The following ZNF217 variants were observed in gnomAD, a reference collection of about 807,000 sequenced individuals.
ZNF217 encodes the protein zinc finger protein 217.
A neutral mutation model predicts 73.3 loss-of-function variants in ZNF217; 12 were observed. The ratio of observed to expected loss-of-function variants is 0.16; its 90% confidence interval spans 0.10 to 0.27. ZNF217 has a LOEUF of 0.27. Among genes scored for constraint, ZNF217 ranks in the 10% least tolerant of loss-of-function variants. The pLI, the probability that ZNF217 is intolerant of heterozygous loss-of-function variation, is 1.00. For synonymous variants in ZNF217, 588 were observed against 516.4 expected, an observed-to-expected ratio of 1.14 and a Z score of -1.88; for missense variants, 1,195 against 1,327.8, an observed-to-expected ratio of 0.90 and a Z score of 1.55.
chr20:53,570,767 T>C (rs1987961208), intron 5 of ZNF217, among the ~76,000 whole-genome samples: 1 of 149,404 alleles, frequency 6.7e-6, no homozygotes, highest in Non-Finnish European at 1.5e-5. Flanking sequence ...GGCAGATAAG[T>C]ACTTGCCAAG....
At chr20:53,580,746 G>A (rs988594716) in intron 2 of ZNF217, among the ~76,000 whole-genome samples, 1 of 152,122 alleles carries the variant, frequency 6.6e-6, no homozygotes, top group Admixed American at 6.5e-5. Context: ...GGGTTCCTGA[G>A]GTACCTATAA....
At chr20:53,579,602 G>A (rs1017143959) in intron 2 of ZNF217, among the ~76,000 whole-genome samples, 13 of 152,124 alleles carry the variant, frequency 8.5e-5, no homozygotes, top group African/African-American at 3.1e-4. Context: ...TTTATGGTAT[G>A]TTGCGTCATA....
chr20:53,569,833 C>A (rs984173899), intron 5 of ZNF217, among the ~76,000 whole-genome samples: 3 of 152,082 alleles, frequency 2.0e-5, no homozygotes, highest in African/African-American at 7.2e-5. Flanking sequence ...TTGCCATGCA[C>A]AAGAAAATCC....
At chr20:53,575,623 C>T (rs1020225251) in intron 4 of ZNF217, 104 bp downstream of exon 4, 1 of 1,195,354 alleles carries the variant, frequency 8.4e-7, no homozygotes, top group Non-Finnish European at 1.1e-6. Flanking sequence ...TTCTGGCTGC[C>T]TACCCCCCAC....
At chr20:53,577,456 T>C (rs1435112518) in intron 3 of ZNF217, among the ~76,000 whole-genome samples, 176 bp from the exon 4 acceptor site, 5 of 152,262 alleles carry the variant, frequency 3.3e-5, no homozygotes, top group African/African-American at 9.6e-5. Context: ...TTTGAAATTA[T>C]GAATGCCTAT....
chr20:53,590,559 A>G (rs969365592), intron 1 of ZNF217, among the ~76,000 whole-genome samples: 3 of 152,170 alleles, frequency 2.0e-5, no homozygotes, highest in Non-Finnish European at 4.4e-5. Context: ...AAACTACTCC[A>G]AAGTTCTTAT....
chr20:53,576,573 G>C lies in ZNF217; in HGVS notation c.2191C>G (p.Leu731Val), dbSNP rs761372725. 6.2e-6 allele frequency: 10 copies of C among 1,614,100 alleles called. No homozygotes were observed. The East Asian group carries it at 2.0e-4, about 32-fold the overall frequency. The change falls in exon 4 of 6, where the codon CTG (leucine) becomes GTG (valine). Residue 731 changes from leucine to valine, a missense_variant. This residue lies in a region of ZNF217 where 649 missense variants were observed against 642.8 expected (regional missense o/e 1.01). Coordinates refer to ENST00000371471, the MANE Select transcript of ZNF217 (RefSeq NM_006526.3). The part of the protein sequence containing the change: ...YPEVLMMHQR[L>V]EHKYNPDVHK... ...ACGTCAGGATTGTATTTATGCTCCA[G>C]TCTCTGGTGCATCATTAAAACTTCT...
intron 1 of ZNF217, among the ~76,000 whole-genome samples, chr20:53,585,929 C>T (rs975340561): frequency 2.6e-5 from 4 of 152,148 alleles, no homozygotes; most frequent in African/African-American, 9.7e-5. Flanking sequence ...GAGACTGACT[C>T]TAATAGTCAA....
chr20:53,584,143 C>A (rs1408780008), intron 1 of ZNF217, among the ~76,000 whole-genome samples: 1 of 152,190 alleles, frequency 6.6e-6, no homozygotes, highest in Non-Finnish European at 1.5e-5. Flanking sequence ...GAAGAATTAA[C>A]TTCTAAAGCC....
intron 5 of ZNF217, chr20:53,570,281 C>T (rs1002897832): frequency 6.5e-6 from 1 of 152,832 alleles, no homozygotes; most frequent in South Asian, 2.1e-4. Context: ...GGAGAAAAGA[C>T]TGCAGAACCA....
chr20:53,583,531 A>C (rs553650144), intron 1 of ZNF217, among the ~76,000 whole-genome samples: 1 of 152,384 alleles, frequency 6.6e-6, no homozygotes, highest in Non-Finnish European at 1.5e-5. Context: ...CTAAATCTAA[A>C]GACTATAAGA....
At chr20:53,572,772 T>C (rs948479766) in intron 4 of ZNF217, 1 of 152,082 alleles carries the variant, frequency 6.6e-6, no homozygotes, top group Non-Finnish European at 1.5e-5. Flanking sequence ...AGCTTCTATG[T>C]GATAAAGGAA....
At chr20:53,594,384 C>T (rs1290791709), upstream of ZNF217, among the ~76,000 whole-genome samples, 4 of 149,510 alleles carry the variant, frequency 2.7e-5, no homozygotes, top group Non-Finnish European at 6.0e-5. Context: ...ACGCCCCACA[C>T]CGCCCCGGCC....
In ZNF217 at chr20:53,569,136, T is replaced by C. The variant is rs1426491637; in HGVS notation, c.*152A>G. ...CAACTTTACACAACTGTAGTGTTCC[T>C]TGCAGATTCCTCATATGTTTTATGT... On this transcript the variant is annotated 3_prime_UTR_variant, in exon 6 of 6. Transcript: ENST00000371471. 3.0e-6 allele frequency: 4 copies of C among 1,339,100 alleles called. No homozygotes were observed. Among genetic ancestry groups the C allele is most frequent in the Non-Finnish European group, 4.0e-6 (4 of 1,008,640 alleles). 83.0% of individuals were successfully genotyped at this position (1,339,100 alleles called of 1,614,324 possible).
intron 1 of ZNF217, among the ~76,000 whole-genome samples, chr20:53,586,836 CA>C (rs776065044): frequency 1.4e-4 from 22 of 152,198 alleles, no homozygotes; most frequent in Non-Finnish European, 2.5e-4. Context: ...CTCCTGCACA[CA>C]GAAGGCAGCA....
At position 53,582,445 on chromosome 20, in the gene ZNF217, A is replaced by G; in HGVS notation, c.382T>C (p.Phe128Leu). Residue 128 changes from phenylalanine (F) to leucine (L), a missense_variant, in exon 2 of 6, where the codon TTT (phenylalanine) becomes CTT (leucine). Coordinates refer to ENST00000371471, the MANE Select transcript of ZNF217 (RefSeq NM_006526.3). The surrounding 1 kb of genome is among the most constrained non-coding windows in gnomAD (Gnocchi z 4.8). ...PKEKNCKENE[F>L]SCEVCGQTFR... The stretch of plus-strand genomic sequence containing the variant: ...GTCTGCCCACATACCTCACAGCTAA[A>G]TTCATTTTCCTTGCAATTCTTTTCC... 2 of 1,614,124 alleles carry G rather than the reference A, an allele frequency of 1.2e-6. No homozygotes were observed. The highest frequency in any genetic ancestry group is 8.5e-7 in the Non-Finnish European group (1 of 1,180,026).
In ZNF217 at chr20:53,576,158, G is replaced by A. The variant is rs769166059; in HGVS notation, c.2606C>T (p.Ser869Phe). ...GTTACTGCTGCCGAGGGTGGGCTGA[G>A]AAGGAGCTACTGGAAGAGGTTTCAA... is the stretch of plus-strand genomic sequence containing the variant. ...TKLKPLPVAPSQPTLGSSNIN... is the reference protein window; with the variant it reads ...TKLKPLPVAPFQPTLGSSNIN... Residue 869 changes from serine to phenylalanine, a missense_variant, in exon 4 of 6, where the codon TCT becomes TTT. This residue lies in a region of ZNF217 where 649 missense variants were observed against 642.8 expected (regional missense o/e 1.01). Coordinates refer to ENST00000371471, the MANE Select transcript of ZNF217 (RefSeq NM_006526.3). 1.9e-6 allele frequency: 3 copies of A among 1,614,258 alleles called. No individual in the cohort carries two copies. The South Asian group carries it at 3.3e-5, about 18-fold the overall frequency.
In ZNF217 at chr20:53,571,824, A is replaced by T. The variant is rs202119672; in HGVS notation, c.3067T>A (p.Ser1023Thr). The T allele has an allele frequency of 5.0e-6, 8 of 1,612,418 alleles. No individual in the cohort carries two copies. Among genetic ancestry groups the T allele is most frequent in the Non-Finnish European group, 6.8e-6 (8 of 1,179,502 alleles). Residue 1023 changes from serine to threonine, a missense_variant, in exon 5 of 6, where the codon TCT becomes ACT. Around this residue, in one of 9 missense-constraint regions of ZNF217, gnomAD observed 649 missense variants for 642.8 expected, o/e 1.01. Coordinates refer to ENST00000371471, the MANE Select transcript of ZNF217 (RefSeq NM_006526.3). ...GKRPVSYQHL[S>T]NSMAQKRNYE... is the part of the protein sequence containing the mutation. ...TTTCTCTTTTGTGCCATGCTGTTAG[A>T]TAAGTGTTGATATGACACAGGCCTT...
intron 1 of ZNF217, among the ~76,000 whole-genome samples, chr20:53,589,405 A>G (rs3852918): frequency 0.096 from 14,538 of 152,174 alleles, 1,123 homozygotes; most frequent in East Asian, 0.29. Context: ...GATACCCTGG[A>G]CAGGAAGTAA....
Sources: allele counts gnomAD v4.1 joint callset (sites outside exome capture counted in the v4.1 genomes callset), GRCh38; gene constraint gnomAD v4.1.1; regional missense constraint gnomAD v4.1.1; non-coding constraint Gnocchi (gnomAD v3.1); transcripts MANE v1.5; gene names NCBI Gene and HGNC (gene_info 2026-07-23, HGNC 2026-07-21).